Variants in IGLL5 observed in about 807,000 individuals in gnomAD.
IGLL5 encodes the protein immunoglobulin lambda-like polypeptide 5.
IGLL5 carries 30 observed loss-of-function variants against 20.9 expected under a neutral mutation model. The ratio of observed to expected loss-of-function variants is 1.44; its 90% CI spans 1.07 to 1.95. The LOEUF is 1.95. IGLL5 is among the 30% of genes most tolerant of loss of function. The pLI is 0.00. For missense variants in IGLL5, 475 were observed against 270.7 expected, an observed-to-expected ratio of 1.75 and a Z score of -5.30; for synonymous variants, 203 against 117.3, an observed-to-expected ratio of 1.73 and a Z score of -4.72.
intron 2 of IGLL5, among the ~76,000 whole-genome samples, chr22:22,894,119 A>C (rs578088974): frequency 3.3e-5 from 5 of 151,436 alleles, no homozygotes; most frequent in Middle Eastern, 3.7e-3. Context: ...GGTTCTGATG[A>C]GGGGCCCTGC....
At chr22:22,890,011 A>C (rs2067768847) in intron 1 of IGLL5, among the ~76,000 whole-genome samples, 1 of 151,180 alleles carries the variant, frequency 6.6e-6, no homozygotes, top group East Asian at 2.0e-4. Context: ...ATGTGGCTTT[A>C]TAATTTTCTG....
intron 1 of IGLL5, among the ~76,000 whole-genome samples, chr22:22,892,854 C>G (rs1403443086): frequency 3.3e-5 from 5 of 150,960 alleles, no homozygotes; most frequent in African/African-American, 1.2e-4. Flanking sequence ...GGGCATGGGC[C>G]TGGTAGAAAG....
chr22:22,889,497 T>C (rs181570090), intron 1 of IGLL5, among the ~76,000 whole-genome samples: 3 of 151,312 alleles, frequency 2.0e-5, no homozygotes, highest in East Asian at 2.0e-4. Context: ...ACAAGGGTGG[T>C]TAGCTCAGCA....
chr22:22,894,058 CAG>C, intron 2 of IGLL5, among the ~76,000 whole-genome samples: 1 of 151,470 alleles, frequency 6.6e-6, no homozygotes, highest in South Asian at 2.1e-4. Flanking sequence ...TGGGCAGGGT[CAG>C]GGCTCCTCCT....
chr22:22,889,194 T>C (rs1601606844), intron 1 of IGLL5, among the ~76,000 whole-genome samples: 2 of 150,690 alleles, frequency 1.3e-5, no homozygotes, highest in East Asian at 2.1e-4. Context: ...CCAGGGTAGG[T>C]GGGGATCCTG....
chr22:22,894,947 G>A (rs900119600), intron 2 of IGLL5, among the ~76,000 whole-genome samples: 1 of 151,416 alleles, frequency 6.6e-6, no homozygotes, highest in Non-Finnish European at 1.5e-5. Context: ...CCTACAGGAT[G>A]AGCAGGGGAC....
chr22:22,889,104 T>G (rs750922158), intron 1 of IGLL5, among the ~76,000 whole-genome samples: 16 of 151,138 alleles, frequency 1.1e-4, no homozygotes, highest in South Asian at 2.1e-4. Context: ...CAGATTTGTG[T>G]TTTTGGAAAA....
At chr22:22,894,384 G>C (rs1348775104) in intron 2 of IGLL5, among the ~76,000 whole-genome samples, 1 of 151,430 alleles carries the variant, frequency 6.6e-6, no homozygotes, top group African/African-American at 2.4e-5. Flanking sequence ...GGCCTGTGCT[G>C]GGTCATGAGG....
intron 2 of IGLL5, 80 bp downstream of exon 2, chr22:22,893,898 C>G (rs969072770): frequency 9.3e-6 from 9 of 972,560 alleles, no homozygotes; most frequent in South Asian, 2.6e-5. Flanking sequence ...CTGGGGCTTC[C>G]TCCCCTCTGT....
chr22:22,890,624 A>G (rs2067813215), intron 1 of IGLL5, among the ~76,000 whole-genome samples: 1 of 148,400 alleles, frequency 6.7e-6, no homozygotes, highest in East Asian at 2.1e-4. Context: ...GCACTTATAT[A>G]TCTCCCCAGG....
chr22:22,893,780 G>GACTTT lies in IGLL5; in HGVS notation c.287_288insACTTT (p.Cys96Ter), dbSNP rs769434865. The GACTTT allele has an allele frequency of 6.2e-7, 1 of 1,605,468 alleles. No homozygotes were observed. On this transcript the variant is annotated stop_gained and frameshift_variant, in exon 2 of 3. Transcript: ENST00000526893. LOFTEE classifies it high-confidence loss of function. The stretch of plus-strand genomic sequence containing the variant: ...TTTTGGTCTGAGCCTCAGTCACTGT[G>GACTTT]TTATGTCTTCGGAACTGGGACCAAG...
At chr22:22,894,159 C>A (rs2067990446) in intron 2 of IGLL5, among the ~76,000 whole-genome samples, 1 of 151,510 alleles carries the variant, frequency 6.6e-6, no homozygotes, top group African/African-American at 2.4e-5. Context: ...CCCAGTGACT[C>A]CTGGGGTCAA....
chr22:22,888,588 G>A (rs1268862495), intron 1 of IGLL5, among the ~76,000 whole-genome samples: 3 of 151,366 alleles, frequency 2.0e-5, no homozygotes, highest in Admixed American at 6.6e-5. Flanking sequence ...ATCCACAGGG[G>A]GTGGTGGCCA....
intron 2 of IGLL5, among the ~76,000 whole-genome samples, chr22:22,894,517 C>T (rs542475247): frequency 6.6e-6 from 1 of 151,570 alleles, no homozygotes; most frequent in South Asian, 2.1e-4. Flanking sequence ...GGAGCCCCGT[C>T]ACCTCTGGGG....
chr22:22,895,712 C>A lies in IGLL5; in HGVS notation c.*18C>A. The A allele has an allele frequency of 6.2e-7, 1 of 1,612,166 alleles. No individual in the cohort carries two copies. ...GTTCATAGGTTCCCAACTCTAACCC[C>A]ACCCACGGGAGCCTGGAGCTGCAGG... On this transcript the variant is annotated 3_prime_UTR_variant, in exon 3 of 3. Coordinates refer to ENST00000526893, the MANE Select transcript of IGLL5 (RefSeq NM_001178126.2).
chr22:22,888,503 T>A (rs551686847), intron 1 of IGLL5, among the ~76,000 whole-genome samples: 2 of 151,394 alleles, frequency 1.3e-5, no homozygotes, highest in East Asian at 4.0e-4. Flanking sequence ...CCACTTAAAT[T>A]TTCACCAGGG....
intron 1 of IGLL5, among the ~76,000 whole-genome samples, chr22:22,890,820 GA>G (rs2067821742): frequency 6.6e-6 from 1 of 151,012 alleles, no homozygotes; most frequent in African/African-American, 2.4e-5. Flanking sequence ...GCAAAAAATT[GA>G]ATGTGTTTAT....
At chr22:22,894,863 G>A (rs575475658) in intron 2 of IGLL5, among the ~76,000 whole-genome samples, 43 of 151,406 alleles carry the variant, frequency 2.8e-4, no homozygotes, top group South Asian at 4.2e-4. Context: ...GGCAGAGCCC[G>A]GTGCCTGTGA....
At chr22:22,888,510 AGGGTCAGTGCCTCAATCAC>A (rs2067608324) in intron 1 of IGLL5, among the ~76,000 whole-genome samples, 1 of 151,254 alleles carries the variant, frequency 6.6e-6, no homozygotes, top group Non-Finnish European at 1.5e-5. Flanking sequence ...AATTTTCACC[AGGGTCAGTGCCTCAATCAC>A]CTAGTCCTAG....
Sources: allele counts gnomAD v4.1 joint callset (sites outside exome capture counted in the v4.1 genomes callset), GRCh38; gene constraint gnomAD v4.1.1; transcripts MANE v1.5; gene names NCBI Gene and HGNC (gene_info 2026-07-23, HGNC 2026-07-21).